GARIN2: variants seen among roughly 807,000 people sequenced by gnomAD.
GARIN2 encodes Golgi-associated RAB2 interactor protein 2.
chr14:67,212,839 G>C, the GARIN2 span, among the ~76,000 whole-genome samples: 1 of 151,512 alleles, frequency 6.6e-6, no homozygotes, highest in Admixed American at 6.6e-5. Flanking sequence ...AGAGTAGTTT[G>C]CTTTAGCTGC....
the GARIN2 span, among the ~76,000 whole-genome samples, chr14:67,220,464 T>C: frequency 1.3e-5 from 2 of 151,020 alleles, no homozygotes; most frequent in African/African-American, 4.9e-5. Context: ...AAAAGGTAAA[T>C]GATGACCTTG....
the GARIN2 span, among the ~76,000 whole-genome samples, chr14:67,190,612 G>A: frequency 6.6e-6 from 1 of 152,074 alleles, no homozygotes; most frequent in Non-Finnish European, 1.5e-5. Flanking sequence ...AGTAAATTTT[G>A]GGGGAAACAG....
At chr14:67,217,161 C>G in the GARIN2 span, among the ~76,000 whole-genome samples, 696 of 145,370 alleles carry the variant, frequency 4.8e-3, 3 homozygotes, top group African/African-American at 0.018. Flanking sequence ...GAATGACTTT[C>G]TTCATCTTTT....
At chr14:67,200,144 TG>T in the GARIN2 span, 2 of 1,133,996 alleles carry the variant, frequency 1.8e-6, no homozygotes, top group African/African-American at 1.6e-5. Context: ...TGATCTCCCA[TG>T]GGTCACCCAG....
the GARIN2 span, chr14:67,199,842 T>G: frequency 1.5e-5 from 23 of 1,497,368 alleles, no homozygotes; most frequent in South Asian, 2.9e-4. Flanking sequence ...CCCCCAGCCA[T>G]GCCCCACCAC....
chr14:67,223,174 A>G, the GARIN2 span, among the ~76,000 whole-genome samples: 1 of 151,934 alleles, frequency 6.6e-6, no homozygotes, highest in East Asian at 1.9e-4. Context: ...TAATTTTTGT[A>G]TTTTTTGTAG....
chr14:67,194,209 C>T, the GARIN2 span, among the ~76,000 whole-genome samples: 4 of 151,132 alleles, frequency 2.6e-5, no homozygotes. Flanking sequence ...CAAAAAAATA[C>T]ATAAATTAGC....
chr14:67,226,533 G>A, the GARIN2 span, among the ~76,000 whole-genome samples: 2 of 152,126 alleles, frequency 1.3e-5, no homozygotes, highest in Non-Finnish European at 2.9e-5. Context: ...GCTAATTTTT[G>A]TATTTTTAGT....
chr14:67,197,898 A>C, the GARIN2 span, among the ~76,000 whole-genome samples: 3 of 152,090 alleles, frequency 2.0e-5, no homozygotes, highest in African/African-American at 7.2e-5. Context: ...ATCATCCAAC[A>C]TCTTGTCTGA....
chr14:67,192,922 GTATA>G, the GARIN2 span, among the ~76,000 whole-genome samples: 1 of 142,044 alleles, frequency 7.0e-6, no homozygotes, highest in African/African-American at 2.6e-5. Flanking sequence ...AGATATATAT[GTATA>G]TATAGATATC....
chr14:67,203,758 G>A, the GARIN2 span, among the ~76,000 whole-genome samples: 1 of 152,162 alleles, frequency 6.6e-6, no homozygotes, highest in African/African-American at 2.4e-5. Context: ...TGTCACCCAG[G>A]CTGGAGTGCA....
chr14:67,227,237 C>T, the GARIN2 span, among the ~76,000 whole-genome samples: 1 of 151,584 alleles, frequency 6.6e-6, no homozygotes. Flanking sequence ...GTCAGGAGTT[C>T]GAGACCAGCC....
the GARIN2 span, among the ~76,000 whole-genome samples, chr14:67,193,829 C>A: frequency 1.4e-5 from 2 of 146,278 alleles, no homozygotes; most frequent in South Asian, 2.2e-4. Flanking sequence ...CCTGTAATGC[C>A]AACTATTCAG....
At chr14:67,204,545 C>T in the GARIN2 span, 2 of 1,612,728 alleles carry the variant, frequency 1.2e-6, no homozygotes, top group Non-Finnish European at 1.7e-6. Flanking sequence ...AGGTTTCTCC[C>T]TCTGCAGTTT....
chr14:67,199,086 C>A, the GARIN2 span: 1 of 1,020,216 alleles, frequency 9.8e-7, no homozygotes, highest in African/African-American at 1.6e-5. Flanking sequence ...GATCTCCGAG[C>A]GGAACCAGGA....
chr14:67,192,375 T>C, the GARIN2 span, among the ~76,000 whole-genome samples: 1 of 152,150 alleles, frequency 6.6e-6, no homozygotes, highest in Non-Finnish European at 1.5e-5. Context: ...TGTTTGTTTC[T>C]TTCTTTTATT....
At chr14:67,225,329 AGTT>A in the GARIN2 span, 3 of 1,146,746 alleles carry the variant, frequency 2.6e-6, no homozygotes, top group East Asian at 3.0e-5. Flanking sequence ...CACACAAAAA[AGTT>A]GTTAATAAGT....
At chr14:67,208,033 G>A in the GARIN2 span, 1 of 525,184 alleles carries the variant, frequency 1.9e-6, no homozygotes, top group Non-Finnish European at 2.4e-6. Flanking sequence ...ACACACCCGG[G>A]GCTCTCCCAA....
chr14:67,216,506 A>T, the GARIN2 span, among the ~76,000 whole-genome samples: 9 of 151,938 alleles, frequency 5.9e-5, no homozygotes, highest in Non-Finnish European at 1.3e-4. Flanking sequence ...TTTATTTGAC[A>T]TCTTTCTAGT....
Sources: allele counts gnomAD v4.1 joint callset (sites outside exome capture counted in the v4.1 genomes callset), GRCh38; gene constraint gnomAD v4.1.1; transcripts MANE v1.5; gene names NCBI Gene and HGNC (gene_info 2026-07-23, HGNC 2026-07-21).